TRHDE: variants seen among roughly 807,000 people sequenced by gnomAD.
The protein encoded by TRHDE is thyrotropin releasing hormone degrading enzyme.
Under a neutral mutation model 125.7 loss-of-function variants are expected in TRHDE, and 72 were observed. That is an observed-to-expected ratio of 0.57 (90% CI 0.47 to 0.70). The LOEUF (loss-of-function observed/expected upper bound fraction) is 0.70. Among genes scored for constraint, TRHDE ranks in the 30% least tolerant of loss-of-function variants. TRHDE has a pLI of 0.00. For synonymous variants in TRHDE, 509 were observed against 509.1 expected, an observed-to-expected ratio of 1.00 and a Z score of 0.00; for missense variants, 1,110 against 1,327.1, an observed-to-expected ratio of 0.84 and a Z score of 2.54.
rs1875116510 is a variant in TRHDE at position 72,666,430 on chromosome 12, G to T, written c.*3235G>T. On this transcript the variant is annotated 3_prime_UTR_variant, in exon 19 of 19. Coordinates refer to ENST00000261180, the MANE Select transcript of TRHDE (RefSeq NM_013381.3). The stretch of plus-strand genomic sequence containing the variant: ...TAGCCAGGCATGGTGGTGTGCACCT[G>T]TTGTCCCAGCTACTGGGGAGGCTGA... 1 of 152,090 alleles carries T rather than the reference G, an allele frequency of 6.6e-6. No homozygotes were observed. Among genetic ancestry groups the T allele is most frequent in the Admixed American group, 6.6e-5 (1 of 15,250 alleles). 9.4% of individuals were successfully genotyped at this position (152,090 alleles called of 1,614,324 possible). A position where few individuals can be genotyped will look rare whatever the true frequency, so the allele number is the denominator to read the frequency against.
At chr12:72,314,263 TTC>T (rs200598652) in intron 2 of TRHDE, among the ~76,000 whole-genome samples, 47 of 134,144 alleles carry the variant, frequency 3.5e-4, no homozygotes, top group African/African-American at 1.4e-3. Context: ...TTCTTTTTTT[TTC>T]CTCTCTCTTT....
chr12:72,224,272 C>CGG (rs1878078195), intron 2 of TRHDE, among the ~76,000 whole-genome samples: 2 of 145,822 alleles, frequency 1.4e-5, no homozygotes, highest in African/African-American at 5.1e-5. Flanking sequence ...GGACCCCCCC[C>CGG]TAGGTAGACC....
chr12:72,442,396 A>C (rs1284713006), intron 3 of TRHDE, among the ~76,000 whole-genome samples: 1 of 151,632 alleles, frequency 6.6e-6, no homozygotes, highest in Non-Finnish European at 1.5e-5. Flanking sequence ...CCACTTAGTC[A>C]CTCCTGAGCC....
chr12:72,216,153 G>A lies in TRHDE; in HGVS notation n.279+110401G>A, dbSNP rs78764271. On this transcript the variant is annotated intron_variant and non_coding_transcript_variant, in intron 2 of 4. Transcript: ENST00000548156. ...TTAGAAGGCATTTGAGTGTTAGCGA[G>A]CTTTATACTTTCCAGAAATCTAGTG... 2.8e-4 allele frequency among the ~76,000 whole-genome samples: 43 copies of A among 152,218 alleles called. No individual in the cohort carries two copies. The East Asian group carries it at 8.3e-3, about 29-fold the overall frequency.
rs1875129622 is a variant in TRHDE, at chr12:72,666,823, T to C, written c.*3628T>C. ...AAATGTTATGATTTAATTTGGTCAGTATAAATAATCAAATATTGGGACAAA... is the reference window on the plus strand; with the variant it reads ...AAATGTTATGATTTAATTTGGTCAGCATAAATAATCAAATATTGGGACAAA... On this transcript the variant is annotated 3_prime_UTR_variant, in exon 19 of 19. Transcript: ENST00000261180. The C allele has an allele frequency of 1.3e-5, 2 of 152,102 alleles. No individual in the cohort carries two copies. Among genetic ancestry groups the C allele is most frequent in the African/African-American group, 4.8e-5 (2 of 41,458 alleles). The allele number at this position is 152,102 out of a possible 1,614,324, so 9.4% of individuals were successfully genotyped here.
intron 2 of TRHDE, among the ~76,000 whole-genome samples, chr12:72,373,464 G>T (rs1871714359): frequency 6.6e-6 from 1 of 152,110 alleles, no homozygotes. Flanking sequence ...TCCCTGTCTT[G>T]AAAAACTGGC....
chr12:72,282,369 T>C (rs1879727001), intron 1 of TRHDE, among the ~76,000 whole-genome samples: 1 of 152,188 alleles, frequency 6.6e-6, no homozygotes, highest in Admixed American at 6.5e-5. Context: ...GTTATTTTTT[T>C]CTCAAAATCA....
intron 2 of TRHDE, among the ~76,000 whole-genome samples, chr12:72,341,942 T>C (rs1039580248): frequency 6.6e-6 from 1 of 151,990 alleles, no homozygotes; most frequent in Admixed American, 6.6e-5. Context: ...GAAGAACTAG[T>C]CTACAGAAAT....
At chr12:72,478,199 ATG>A (rs1279664397) in intron 5 of TRHDE, among the ~76,000 whole-genome samples, 2 of 152,196 alleles carry the variant, frequency 1.3e-5, no homozygotes, top group African/African-American at 4.8e-5. Context: ...TACCCAGTGA[ATG>A]TGAGAAATTT....
intron 3 of TRHDE, among the ~76,000 whole-genome samples, chr12:72,468,428 G>A (rs1364900705): frequency 6.6e-6 from 1 of 152,106 alleles, no homozygotes; most frequent in Non-Finnish European, 1.5e-5. Context: ...CTTTTCACCT[G>A]TACAAACAAT....
intron 2 of TRHDE, among the ~76,000 whole-genome samples, chr12:72,313,764 A>G (rs1810663230): frequency 6.6e-6 from 1 of 152,226 alleles, no homozygotes; most frequent in Non-Finnish European, 1.5e-5. Context: ...GGATGTTTGC[A>G]TAGTTGAGAC....
At chr12:72,268,404 T>C (rs922443980), upstream of TRHDE, among the ~76,000 whole-genome samples, 1 of 152,162 alleles carries the variant, frequency 6.6e-6, no homozygotes, top group African/African-American at 2.4e-5. Context: ...GGTAGTATGT[T>C]AGCTTCTGTA....
intron 2 of TRHDE, among the ~76,000 whole-genome samples, chr12:72,221,737 A>G (rs1878004296): frequency 6.6e-6 from 1 of 152,114 alleles, no homozygotes; most frequent in African/African-American, 2.4e-5. Flanking sequence ...TTGGGGAAAA[A>G]AACCAAATTT....
rs1878938074 is a variant in TRHDE, at chr12:72,260,948, G to A, written n.280-117047G>A. 3.9e-5 allele frequency among the ~76,000 whole-genome samples: 6 copies of A among 152,210 alleles called. No individual in the cohort carries two copies. In the South Asian group the frequency reaches 1.2e-3, roughly 32 times the overall value. ...GAGTCTTGCTACAGTCTTTAGATTT[G>A]TGAATTTTGACAGTCGTTGGTAAAT... On this transcript the variant is annotated intron_variant and non_coding_transcript_variant, in intron 2 of 4. Transcript: ENST00000548156.
intron 12 of TRHDE, among the ~76,000 whole-genome samples, chr12:72,603,522 G>C (rs1027817088): frequency 7.2e-5 from 11 of 152,038 alleles, no homozygotes; most frequent in Non-Finnish European, 1.5e-4. Context: ...TCAGGAGATC[G>C]AGACCATCCT....
chr12:72,535,954 G>T (rs1195112766), intron 6 of TRHDE, among the ~76,000 whole-genome samples: 1 of 152,082 alleles, frequency 6.6e-6, no homozygotes, highest in Non-Finnish European at 1.5e-5. Flanking sequence ...GCTAATCAAA[G>T]AACTCAACAA....
Position 72,469,812 on chromosome 12 carries a change from G to C in TRHDE, c.1370G>C (p.Ser457Thr). Residue 457 changes from serine (S) to threonine (T), a missense_variant, in exon 4 of 19, where the codon AGT becomes ACT. Ser to Thr is a moderately conservative substitution (Grantham distance 58, BLOSUM62 1). Transcript: ENST00000261180. ...GCTGCTATGGAGAACTGGGGACTAA[G>C]TATTTTTGTGGAACAAAGAATACTG... The part of the protein sequence containing the change: ...PYAAMENWGL[S>T]IFVEQRILLD... 2 of 1,614,018 alleles carry C rather than the reference G, an allele frequency of 1.2e-6. No homozygotes were observed. Among genetic ancestry groups the C allele is most frequent in the Non-Finnish European group, 1.7e-6 (2 of 1,179,960 alleles).
intron 2 of TRHDE, among the ~76,000 whole-genome samples, chr12:72,302,524 A>C (rs898966832): frequency 2.0e-5 from 3 of 152,156 alleles, no homozygotes; most frequent in African/African-American, 7.2e-5. Flanking sequence ...GGATGTTTCT[A>C]CCACAATATT....
intron 2 of TRHDE, among the ~76,000 whole-genome samples, chr12:72,368,269 A>G (rs1343167249): frequency 6.6e-6 from 1 of 152,204 alleles, no homozygotes; most frequent in Non-Finnish European, 1.5e-5. Flanking sequence ...AAAAGTCTGT[A>G]AGGTACATTA....
Sources: allele counts gnomAD v4.1 joint callset (sites outside exome capture counted in the v4.1 genomes callset), GRCh38; gene constraint gnomAD v4.1.1; transcripts MANE v1.5; gene names NCBI Gene and HGNC (gene_info 2026-07-23, HGNC 2026-07-21).